The following PDPN variants were observed in gnomAD, a reference collection of about 807,000 sequenced individuals.
PDPN encodes the protein PA2.26 antigen.
In PDPN, 12 loss-of-function variants were observed where a neutral mutation model predicts 23.2. The observed-to-expected ratio is 0.52, with a 90% CI of 0.33 to 0.84. The LOEUF is 0.84. Ranked by LOEUF, PDPN falls within the 40% of genes least tolerant of loss-of-function variation. The pLI, the probability that PDPN is intolerant of heterozygous loss-of-function variation, is 0.02. For missense variants in PDPN, 199 were observed against 212.2 expected, an observed-to-expected ratio of 0.94 and a Z score of 0.39; for synonymous variants, 77 against 76.7, an observed-to-expected ratio of 1.00 and a Z score of -0.02.
intron 2 of PDPN, 148 bp downstream of exon 2, chr1:13,607,454 A>G (rs933676980): frequency 4.0e-6 from 2 of 505,148 alleles, no homozygotes; most frequent in South Asian, 5.0e-5. Flanking sequence ...ACGTGGCTCA[A>G]CAAAGAAGAA....
At chr1:13,603,555 A>C (rs1458112005) in intron 1 of PDPN, among the ~76,000 whole-genome samples, 1 of 151,858 alleles carries the variant, frequency 6.6e-6, no homozygotes, top group Non-Finnish European at 1.5e-5. Context: ...GATTTATCAA[A>C]TCATCTTCTC....
chr1:13,584,640 G>A (rs568589657), intron 1 of PDPN, among the ~76,000 whole-genome samples: 1 of 152,356 alleles, frequency 6.6e-6, no homozygotes, highest in Non-Finnish European at 1.5e-5. Flanking sequence ...TCACTGGACT[G>A]GAAGAGGCCT....
chr1:13,607,117 T>A, intron 1 of PDPN, 56 bp from the exon 2 acceptor site: 2 of 1,538,646 alleles, frequency 1.3e-6, no homozygotes, highest in Non-Finnish European at 1.8e-6. Context: ...AGCCGACAAG[T>A]TGGGTCTGCT....
At chr1:13,593,254 A>G (rs1422220158) in intron 1 of PDPN, among the ~76,000 whole-genome samples, 2 of 152,292 alleles carry the variant, frequency 1.3e-5, no homozygotes, top group Non-Finnish European at 2.9e-5. Flanking sequence ...ATTAGGAACC[A>G]ACTTGGTAAG....
chr1:13,603,806 C>T (rs1423371445), intron 1 of PDPN, among the ~76,000 whole-genome samples: 2 of 152,180 alleles, frequency 1.3e-5, no homozygotes, highest in African/African-American at 4.8e-5. Flanking sequence ...CCAGGCTGGT[C>T]TTGAACTCCT....
At chr1:13,601,141 CTG>C (rs1640632044) in intron 1 of PDPN, among the ~76,000 whole-genome samples, 1 of 152,202 alleles carries the variant, frequency 6.6e-6, no homozygotes, top group Non-Finnish European at 1.5e-5. Context: ...GCCCTAAACA[CTG>C]AGTTTTATTC....
At chr1:13,588,610 A>G (rs1477154933) in intron 1 of PDPN, among the ~76,000 whole-genome samples, 1 of 147,578 alleles carries the variant, frequency 6.8e-6, no homozygotes, top group East Asian at 1.9e-4. Flanking sequence ...TTATATATTT[A>G]CATATATAAT....
chr1:13,585,537 C>T (rs757886308), intron 1 of PDPN: 6 of 1,351,340 alleles, frequency 4.4e-6, no homozygotes, highest in African/African-American at 1.5e-5. Flanking sequence ...CTCACTTCAG[C>T]ATCTCAGCCC....
intron 1 of PDPN, chr1:13,584,313 G>C: frequency 6.7e-7 from 1 of 1,503,462 alleles, no homozygotes. Flanking sequence ...GGTGTGCCGG[G>C]AGGAGCCCCG....
Position 13,615,777 on chromosome 1 carries a change from A to C in PDPN, c.483-128A>C, listed in dbSNP as rs950682688. On this transcript the variant is annotated intron_variant, in intron 5 of 5. Coordinates refer to ENST00000621990, the MANE Select transcript of PDPN (RefSeq NM_006474.5). Reference sequence around the variant, plus strand: ...GGCATGGAGGAGGAATGTCAGGAACAAGAGATGATCACCAGGTGTCAGAAC... The same window carrying C: ...GGCATGGAGGAGGAATGTCAGGAACCAGAGATGATCACCAGGTGTCAGAAC... The C allele has an allele frequency of 6.7e-6, 6 of 889,460 alleles. No individual in the cohort carries two copies. The Admixed American group carries it at 9.3e-5, about 14-fold the overall frequency. The allele number at this position is 889,460 out of a possible 1,614,324, so 55.1% of individuals were successfully genotyped here. A position where few individuals can be genotyped will look rare whatever the true frequency, so the allele number is the denominator to read the frequency against.
At chr1:13,614,453 C>T in intron 5 of PDPN, 42 bp downstream of exon 5, 3 of 995,120 alleles carry the variant, frequency 3.0e-6, no homozygotes, top group East Asian at 4.8e-5. Flanking sequence ...CAAATGAAAG[C>T]CATCGTGTCT....
Position 13,613,666 on chromosome 1 carries a change from AT to A in PDPN, c.332-19del. ...TATTAAACCCTAATAATTCTACATTATTATATCTTTCTATTCACAGAGAAAG... is the reference window on the plus strand; with the variant it reads ...TATTAAACCCTAATAATTCTACATTATATATCTTTCTATTCACAGAGAAAG... On this transcript the variant is annotated intron_variant, in intron 3 of 5. Coordinates refer to ENST00000621990, the MANE Select transcript of PDPN (RefSeq NM_006474.5). The A allele has an allele frequency of 8.3e-7, 1 of 1,211,628 alleles. No homozygotes were observed. Among genetic ancestry groups the A allele is most frequent in the Non-Finnish European group, 1.2e-6 (1 of 817,736 alleles). The allele number at this position is 1,211,628 out of a possible 1,614,324, so 75.1% of individuals were successfully genotyped here. A position where few individuals can be genotyped will look rare whatever the true frequency, so the allele number is the denominator to read the frequency against.
chr1:13,591,275 T>G (rs1185640178), intron 1 of PDPN, among the ~76,000 whole-genome samples: 1 of 152,152 alleles, frequency 6.6e-6, no homozygotes, highest in Non-Finnish European at 1.5e-5. Context: ...CAGCAAGACT[T>G]AACAGTTCAG....
intron 1 of PDPN, among the ~76,000 whole-genome samples, chr1:13,591,098 C>T (rs553962566): frequency 2.0e-4 from 31 of 152,110 alleles, no homozygotes; most frequent in Middle Eastern, 6.8e-3. Flanking sequence ...CGTGCCACCA[C>T]GCCTGGCTAA....
Position 13,583,956 on chromosome 1 carries a change from C to G in PDPN, c.-78C>G. ...GCGCTCCTCCAGGCTGGGCCTGTGG[C>G]CGCGGTGCTTTTTAATTTTCCCCCA... On this transcript the variant is annotated 5_prime_UTR_variant, in exon 1 of 6. Coordinates refer to ENST00000621990, the MANE Select transcript of PDPN (RefSeq NM_006474.5). 6.2e-7 allele frequency: 1 copy of G among 1,613,742 alleles called. No individual in the cohort carries two copies. Among genetic ancestry groups the G allele is most frequent in the Non-Finnish European group, 8.5e-7 (1 of 1,179,998 alleles).
intron 5 of PDPN, 168 bp downstream of exon 5, chr1:13,614,579 C>T (rs779349004): frequency 1.8e-6 from 1 of 569,998 alleles, no homozygotes; most frequent in Non-Finnish European, 3.2e-6. Context: ...ATAGTAAGAC[C>T]CTGTCTCAAA....
intron 2 of PDPN, among the ~76,000 whole-genome samples, chr1:13,608,960 C>T (rs1355038558): frequency 6.6e-6 from 1 of 152,154 alleles, no homozygotes; most frequent in Non-Finnish European, 1.5e-5. Context: ...CTAAAGTAGT[C>T]TCACCCTCAC....
At chr1:13,615,644 G>A (rs1383915004) in intron 5 of PDPN, among the ~76,000 whole-genome samples, 3 of 152,072 alleles carry the variant, frequency 2.0e-5, no homozygotes, top group African/African-American at 7.2e-5. Context: ...GAGGGGAGAG[G>A]ACAAGTGATA....
intron 1 of PDPN, among the ~76,000 whole-genome samples, chr1:13,592,636 G>A (rs908719005): frequency 1.5e-4 from 22 of 142,512 alleles, no homozygotes; most frequent in Non-Finnish European, 9.0e-5. Flanking sequence ...CGCAACCTCC[G>A]CTTCCCGGGT....
Sources: gnomAD v4.1 joint callset for allele counts (sites outside exome capture counted in the v4.1 genomes callset) on GRCh38, gnomAD v4.1.1 for gene constraint, MANE v1.5 for transcripts, NCBI Gene and HGNC (gene_info 2026-07-23, HGNC 2026-07-21) for gene names.